The following ACKR3 variants were observed in gnomAD, a reference collection of about 807,000 sequenced individuals.
The protein encoded by ACKR3 is C-X-C chemokine receptor type 7.
Under a neutral mutation model 22.4 loss-of-function variants are expected in ACKR3, and 6 were observed. That is an observed-to-expected ratio of 0.27 (90% confidence interval 0.15 to 0.53). The LOEUF is 0.53. ACKR3 is among the 20% of genes least tolerant of loss of function. The pLI is 0.96. For synonymous variants in ACKR3, 209 were observed against 205.2 expected, an observed-to-expected ratio of 1.02 and a Z score of -0.16; for missense variants, 396 against 475.2, an observed-to-expected ratio of 0.83 and a Z score of 1.55.
chr2:236,539,306 CTTTTTTTT>C, the ACKR3 span, among the ~76,000 whole-genome samples: 11 of 120,740 alleles, frequency 9.1e-5, no homozygotes, highest in South Asian at 2.7e-4. Context: ...TTTTTCTTTT[CTTTTTTTT>C]TTTTTTTTTT....
At chr2:236,549,633 A>C in the ACKR3 span, among the ~76,000 whole-genome samples, 224 of 152,284 alleles carry the variant, frequency 1.5e-3, 1 homozygote, top group African/African-American at 5.2e-3. This position sits in a 1 kb window ranked among gnomAD's most constrained non-coding sequence, Gnocchi z 5.3. Flanking sequence ...CCTTGGCTGC[A>C]CTTCTGGGTG....
intron 1 of ACKR3, among the ~76,000 whole-genome samples, chr2:236,575,140 C>T (rs1414609559): frequency 6.6e-6 from 1 of 151,958 alleles, no homozygotes. Flanking sequence ...ACATGAACCT[C>T]GATTGTTCTG....
the ACKR3 span, among the ~76,000 whole-genome samples, chr2:236,549,726 C>T: frequency 1.5e-4 from 23 of 152,156 alleles, no homozygotes; most frequent in Non-Finnish European, 2.5e-4. This position sits in a 1 kb window ranked among gnomAD's most constrained non-coding sequence, Gnocchi z 5.3. Context: ...TGAAAGGGAA[C>T]GAGCCACCAC....
intron 1 of ACKR3, among the ~76,000 whole-genome samples, chr2:236,575,481 TG>T (rs1574975186): frequency 1.4e-5 from 2 of 145,502 alleles, no homozygotes; most frequent in East Asian, 2.0e-4. Flanking sequence ...TGTGTGCGTG[TG>T]TCTGGGGTTG....
chr2:236,553,693 C>G, the ACKR3 span, among the ~76,000 whole-genome samples: 1 of 152,260 alleles, frequency 6.6e-6, no homozygotes, highest in African/African-American at 2.4e-5. Context: ...AGGAGGGTTT[C>G]CCGCCATGCG....
chr2:236,541,160 G>A, the ACKR3 span, among the ~76,000 whole-genome samples: 91 of 152,214 alleles, frequency 6.0e-4, no homozygotes, highest in African/African-American at 1.3e-3. Context: ...TGCAATAATC[G>A]TATAAGATTA....
chr2:236,567,074 G>A (rs1238633404), upstream of ACKR3, among the ~76,000 whole-genome samples: 1 of 151,894 alleles, frequency 6.6e-6, no homozygotes, highest in African/African-American at 2.4e-5. Context: ...GTGCAATCCC[G>A]GCTCACTACA....
chr2:236,563,258 T>G (rs1321676564), upstream of ACKR3, among the ~76,000 whole-genome samples: 1 of 152,200 alleles, frequency 6.6e-6, no homozygotes. Context: ...CAAGTGTCAT[T>G]CACCTGACTT....
rs772261836 is a variant in ACKR3 at position 236,577,495 on chromosome 2, G to A, written c.-26-2945G>A. Among the ~76,000 whole-genome samples, 27 of 152,222 alleles carry A rather than the reference G, an allele frequency of 1.8e-4. No homozygotes were observed. Among genetic ancestry groups the A allele is most frequent in the Non-Finnish European group, 3.2e-4 (22 of 68,002 alleles). ...CTGAAGGCTGCTGGTAGCTCAAAGC[G>A]GGTGAGTGTCTATTTTGTGCTAAGA... On this transcript the variant is annotated intron_variant, in intron 1 of 1. Transcript: ENST00000272928. This position sits in a 1 kb window ranked among gnomAD's most constrained non-coding sequence, Gnocchi z 5.6.
At chr2:236,552,995 C>A in the ACKR3 span, among the ~76,000 whole-genome samples, 1 of 152,230 alleles carries the variant, frequency 6.6e-6, no homozygotes, top group Non-Finnish European at 1.5e-5. Context: ...TGCACATTGG[C>A]CCATGCTTGG....
rs1691493068 is a variant in ACKR3, at chr2:236,580,388, A to G, written c.-26-52A>G. 5.9e-6 allele frequency: 9 copies of G among 1,536,630 alleles called. No homozygotes were observed. The Admixed American group carries it at 1.8e-4, about 30-fold the overall frequency. ...TTTGCCTGAAACTTGAGTTTTTCCT[A>G]ATGAAGTGACTTTCCTCTTCCATCT... is the stretch of plus-strand genomic sequence containing the variant. On this transcript the variant is annotated intron_variant, in intron 1 of 1. Coordinates refer to ENST00000272928, the MANE Select transcript of ACKR3 (RefSeq NM_020311.3).
At chr2:236,556,082 G>T in the ACKR3 span, among the ~76,000 whole-genome samples, 65 of 152,278 alleles carry the variant, frequency 4.3e-4, no homozygotes, top group African/African-American at 1.5e-3. Flanking sequence ...TGTCCAGGGT[G>T]GGGGCTCCTG....
the ACKR3 span, among the ~76,000 whole-genome samples, chr2:236,543,791 G>T: frequency 6.6e-6 from 1 of 151,730 alleles, no homozygotes; most frequent in African/African-American, 2.4e-5. Flanking sequence ...TTCATTCAAG[G>T]GCAGGAGAAG....
chr2:236,574,618 G>C lies in ACKR3; in HGVS notation c.-27+4694G>C, dbSNP rs770024060. On this transcript the variant is annotated intron_variant, in intron 1 of 1. Transcript: ENST00000272928. This position sits in a 1 kb window ranked among gnomAD's most constrained non-coding sequence, Gnocchi z 5.6. ...CATTCTCTGGAAGGAACTAACCAGC[G>C]TGAGGACATGCTGATTGCATACTCA... Among the ~76,000 whole-genome samples, 3 of 152,242 alleles carry C rather than the reference G, an allele frequency of 2.0e-5. No individual in the cohort carries two copies. The highest frequency in any genetic ancestry group is 1.9e-4 in the East Asian group (1 of 5,170).
At chr2:236,544,195 G>T in the ACKR3 span, among the ~76,000 whole-genome samples, 1 of 151,438 alleles carries the variant, frequency 6.6e-6, no homozygotes, top group Admixed American at 6.6e-5. The surrounding 1 kb of genome is among the most constrained non-coding windows in gnomAD (Gnocchi z 5.0). Flanking sequence ...TCACCATATT[G>T]GCAAGGCTGG....
At chr2:236,537,333 A>G in the ACKR3 span, among the ~76,000 whole-genome samples, 3 of 152,208 alleles carry the variant, frequency 2.0e-5, no homozygotes, top group African/African-American at 7.2e-5. Flanking sequence ...ATGAGCCAGG[A>G]GGAGGCAGAA....
chr2:236,549,491 CT>C, the ACKR3 span, among the ~76,000 whole-genome samples: 1 of 152,212 alleles, frequency 6.6e-6, no homozygotes, highest in Non-Finnish European at 1.5e-5. This position sits in a 1 kb window ranked among gnomAD's most constrained non-coding sequence, Gnocchi z 5.3. Context: ...AAAGATTAGT[CT>C]TCATGAGGCC....
rs1691542607 is a variant in ACKR3, at chr2:236,581,695, C to G, written c.*141C>G. ...AGAGGGGAGCACGTGCCCCCTGCAT[C>G]CATTCTCTCTTTCTCTTGATGACGC... On this transcript the variant is annotated 3_prime_UTR_variant, in exon 2 of 2. Coordinates refer to ENST00000272928, the MANE Select transcript of ACKR3 (RefSeq NM_020311.3). The surrounding 1 kb of genome is among the most constrained non-coding windows in gnomAD (Gnocchi z 4.4). The G allele has an allele frequency of 9.3e-7, 1 of 1,072,008 alleles. No homozygotes were observed. The highest frequency in any genetic ancestry group is 1.6e-5 in the African/African-American group (1 of 62,544). The allele number at this position is 1,072,008 out of a possible 1,614,324, so 66.4% of individuals were successfully genotyped here.
the ACKR3 span, among the ~76,000 whole-genome samples, chr2:236,556,143 A>G: frequency 1.3e-5 from 2 of 152,106 alleles, no homozygotes; most frequent in Non-Finnish European, 2.9e-5. Context: ...TCACAGAAGG[A>G]TCACCCAGTC....
Sources: allele counts gnomAD v4.1 joint callset (sites outside exome capture counted in the v4.1 genomes callset), GRCh38; gene constraint gnomAD v4.1.1; non-coding constraint Gnocchi (gnomAD v3.1); transcripts MANE v1.5; gene names NCBI Gene and HGNC (gene_info 2026-07-23, HGNC 2026-07-21).